Variants in NOTCH2 observed in about 807,000 individuals in gnomAD.
NOTCH2 encodes the protein notch receptor 2.
In NOTCH2, 29 loss-of-function variants were observed where a neutral mutation model predicts 235.8. The observed-to-expected ratio is 0.12, with a 90% CI of 0.09 to 0.17. The LOEUF is 0.17. Among genes scored for constraint, NOTCH2 ranks in the 10% least tolerant of loss-of-function variants. The pLI, the probability that NOTCH2 is intolerant of heterozygous loss-of-function variation, is 1.00. For synonymous variants in NOTCH2, 1,086 were observed against 1,141.5 expected (o/e 0.95, Z 0.98); for missense variants, 2,285 against 3,150.2 (o/e 0.73, Z 6.57).
At chr1:119,929,376 G>A (rs1239638235) in intron 22 of NOTCH2, among the ~76,000 whole-genome samples, 164 bp from the exon 23 acceptor site, 1 of 152,154 alleles carries the variant, frequency 6.6e-6, no homozygotes, top group Non-Finnish European at 1.5e-5. Context: ...CTTTATTCAT[G>A]ACAGCTGTCA....
chr1:119,917,466 G>A (rs148500840), intron 33 of NOTCH2, among the ~76,000 whole-genome samples, 199 bp downstream of exon 33: 1 of 152,352 alleles, frequency 6.6e-6, no homozygotes, highest in East Asian at 1.9e-4. Context: ...TGAGTACTGA[G>A]AGGGCAGAGA....
chr1:119,979,914 ATGAAT>A (rs1306809532), intron 5 of NOTCH2, among the ~76,000 whole-genome samples: 7 of 152,214 alleles, frequency 4.6e-5, no homozygotes, highest in Admixed American at 1.3e-4. Context: ...AAGTAGATAG[ATGAAT>A]TGAAGTCCTT....
chr1:119,941,730 C>T lies in NOTCH2; in HGVS notation c.2777G>A (p.Cys926Tyr), dbSNP rs1553196495. 1 of 1,614,060 alleles carries T rather than the reference C, an allele frequency of 6.2e-7. No individual in the cohort carries two copies. Among genetic ancestry groups the T allele is most frequent in the Non-Finnish European group, 8.5e-7 (1 of 1,179,906 alleles). The change falls in exon 18 of 34, where the codon TGT (cysteine) becomes TAT (tyrosine). Residue 926 changes from cysteine to tyrosine, a missense_variant. By Grantham distance (194) the Cys-to-Tyr change is radical. This residue lies in a region of NOTCH2 where 1,173 missense variants were observed against 1,515.3 expected (regional missense o/e 0.77). Transcript: ENST00000256646. ...GGAGAAAGTATTCACTCCATCCATA[C>T]AGGAACCTCCATTCTGGCAAGGATC... ...LANPCQNGGS[C>Y]MDGVNTFSCL...
At chr1:120,025,927 T>C (rs1570758578) in intron 2 of NOTCH2, among the ~76,000 whole-genome samples, 1 of 132,240 alleles carries the variant, frequency 7.6e-6, no homozygotes, top group Non-Finnish European at 1.5e-5. Flanking sequence ...TAATTACATA[T>C]TTACACCTCC....
intron 22 of NOTCH2, chr1:119,935,077 G>T (rs1649798520): frequency 1.0e-6 from 1 of 978,580 alleles, no homozygotes; most frequent in Admixed American, 6.2e-5. Context: ...CCTTATAGAG[G>T]TAAGACTTGG....
chr1:119,932,992 A>G (rs1186301244), intron 22 of NOTCH2, among the ~76,000 whole-genome samples: 1 of 152,242 alleles, frequency 6.6e-6, no homozygotes, highest in African/African-American at 2.4e-5. Flanking sequence ...ATATATGCAT[A>G]TATCACCTTA....
At position 119,937,077 on chromosome 1, in the gene NOTCH2, G is replaced by A. The variant is rs587647396; in HGVS notation, c.3522+205C>T. Among the ~76,000 whole-genome samples the A allele has an allele frequency of 4.6e-5, 7 of 152,200 alleles. 1 individual carries two copies. The South Asian group carries it at 1.0e-3, about 23-fold the overall frequency. On this transcript the variant is annotated intron_variant, in intron 21 of 33. Coordinates refer to ENST00000256646, the MANE Select transcript of NOTCH2 (RefSeq NM_024408.4). ...CTAAGGAGCTGGGATGGTTCCAGAC[G>A]CCTATAAAAATATCATACTAGGGAC...
chr1:119,953,040 G>A (rs1338124411), intron 14 of NOTCH2, among the ~76,000 whole-genome samples: 8 of 152,244 alleles, frequency 5.3e-5, no homozygotes, highest in South Asian at 4.1e-4. Context: ...GGCTGGGTGC[G>A]GTGGCTCACG....
chr1:120,031,335 T>TAAC (rs1206763733), intron 1 of NOTCH2, among the ~76,000 whole-genome samples: 12 of 137,300 alleles, frequency 8.7e-5, no homozygotes, highest in Admixed American at 3.7e-4. Flanking sequence ...ATGGTAATAG[T>TAAC]AATAATAATA....
Position 119,949,133 on chromosome 1 carries a change from A to G in NOTCH2, c.2480-7T>C, listed in dbSNP as rs781987583. On this transcript the variant is annotated splice_region_variant and splice_polypyrimidine_tract_variant and intron_variant, in intron 15 of 33. Transcript: ENST00000256646. ...ACTGTCTGACAATTCTTGCCTAGAA[A>G]GTAAATGACAGAGTTTATGACAGAT... 2.5e-6 allele frequency: 4 copies of G among 1,614,110 alleles called. No homozygotes were observed. In the East Asian group the frequency reaches 6.7e-5, roughly 27 times the overall value.
At chr1:120,003,903 G>A (rs1233773530) in intron 3 of NOTCH2, among the ~76,000 whole-genome samples, 1 of 152,042 alleles carries the variant, frequency 6.6e-6, no homozygotes, top group South Asian at 2.1e-4. Context: ...AGGAAATAAG[G>A]AGAATTTGGT....
At chr1:120,000,854 T>C (rs1322342028) in intron 3 of NOTCH2, among the ~76,000 whole-genome samples, 3 of 152,148 alleles carry the variant, frequency 2.0e-5, no homozygotes, top group Non-Finnish European at 4.4e-5. Context: ...TCATCCTAAC[T>C]ACCCTCTACC....
At chr1:119,922,819 G>GT (rs1338550297) in intron 26 of NOTCH2, 41 bp from the exon 27 acceptor site, 1 of 1,612,788 alleles carries the variant, frequency 6.2e-7, no homozygotes, top group South Asian at 1.1e-5. Context: ...GAGAGATGGG[G>GT]GTAAAACAGA....
At chr1:120,063,601 G>A (rs1324878848) in intron 1 of NOTCH2, among the ~76,000 whole-genome samples, 2 of 152,166 alleles carry the variant, frequency 1.3e-5, no homozygotes, top group Admixed American at 1.3e-4. Flanking sequence ...TCTGTACTAA[G>A]TGAGGCCAGC....
In NOTCH2 at chr1:119,963,891, C is replaced by T. The variant is rs587669545; in HGVS notation, c.1682-84G>A. On this transcript the variant is annotated intron_variant, in intron 10 of 33. Coordinates refer to ENST00000256646, the MANE Select transcript of NOTCH2 (RefSeq NM_024408.4). ...ACACAAGTGTAGCTACATCCATTTA[C>T]TCTACACATTCGATGTGTGGTCAAT... The T allele has an allele frequency of 1.2e-5, 14 of 1,164,074 alleles. 1 individual carries two copies. The South Asian group carries it at 1.6e-4, about 13-fold the overall frequency. The allele number at this position is 1,164,074 out of a possible 1,614,324, so 72.1% of individuals were successfully genotyped here.
chr1:119,922,893 C>T (rs879709485), intron 26 of NOTCH2, 115 bp from the exon 27 acceptor site: 11 of 1,265,444 alleles, frequency 8.7e-6, no homozygotes, highest in African/African-American at 2.9e-5. Context: ...TCCCCTTCAG[C>T]ATCAGGTCCC....
intron 22 of NOTCH2, among the ~76,000 whole-genome samples, chr1:119,929,917 T>C (rs2101170840): frequency 6.6e-6 from 1 of 152,352 alleles, no homozygotes; most frequent in East Asian, 1.9e-4. Flanking sequence ...ATCTTTTATA[T>C]TGTATTTTTA....
intron 2 of NOTCH2, among the ~76,000 whole-genome samples, chr1:120,015,936 C>A: frequency 8.1e-6 from 1 of 123,466 alleles, no homozygotes. Flanking sequence ...CCACTCTACT[C>A]TCAACCCCCC....
chr1:119,931,175 A>G (rs947252969), intron 22 of NOTCH2, among the ~76,000 whole-genome samples: 3 of 151,932 alleles, frequency 2.0e-5, no homozygotes, highest in African/African-American at 7.2e-5. Flanking sequence ...TGTAGCATAC[A>G]CTAACAAAAG....
Sources: gnomAD v4.1 joint callset for allele counts (sites outside exome capture counted in the v4.1 genomes callset) on GRCh38, gnomAD v4.1.1 for gene constraint, gnomAD v4.1.1 regional missense constraint, MANE v1.5 for transcripts, NCBI Gene and HGNC (gene_info 2026-07-23, HGNC 2026-07-21) for gene names.